Variants in PNLIP observed in about 807,000 individuals in gnomAD.
PNLIP encodes the protein pancreatic lipase.
A neutral mutation model predicts 57.1 loss-of-function variants in PNLIP; 49 were observed. The ratio of observed to expected loss-of-function variants is 0.86; its 90% CI spans 0.68 to 1.09. The LOEUF is 1.09. Ranked by LOEUF, PNLIP falls within the 50% of genes least tolerant of loss-of-function variation. The probability of loss-of-function intolerance (pLI) is 0.00; values close to 1 mark genes in which losing one functional copy is unlikely to be tolerated. For missense variants in PNLIP, 503 were observed against 570.2 expected (o/e 0.88, Z 1.20); for synonymous variants, 209 against 200.4 (o/e 1.04, Z -0.36).
At chr10:116,558,874 C>T (rs932567521) in intron 9 of PNLIP, among the ~76,000 whole-genome samples, 1 of 152,152 alleles carries the variant, frequency 6.6e-6, no homozygotes, top group African/African-American at 2.4e-5. Context: ...ATCCACCTGC[C>T]TCAGCCTCCC....
chr10:116,561,704 A>G (rs1209424356), intron 12 of PNLIP, 68 bp downstream of exon 12: 1 of 1,425,042 alleles, frequency 7.0e-7, no homozygotes, highest in Non-Finnish European at 9.6e-7. Context: ...TCCCACTAAA[A>G]GTCTAATTTA....
At chr10:116,546,425 C>T (rs1847124534) in intron 2 of PNLIP, among the ~76,000 whole-genome samples, 1 of 152,166 alleles carries the variant, frequency 6.6e-6, no homozygotes, top group African/African-American at 2.4e-5. Flanking sequence ...TTCAAATTTA[C>T]TTGTATTTTG....
rs763599930 is a variant in PNLIP, at chr10:116,567,818, C to A, written c.*20C>A. 6.3e-7 allele frequency: 1 copy of A among 1,576,602 alleles called. No individual in the cohort carries two copies. The highest frequency in any genetic ancestry group is 2.2e-5 in the East Asian group (1 of 44,674). Reference sequence around the variant, plus strand: ...TGTTAGGAGACTACTGTTATTTGACCAATGAATTGACTTCTAATAAAATCT... The same window carrying A: ...TGTTAGGAGACTACTGTTATTTGACAAATGAATTGACTTCTAATAAAATCT... On this transcript the variant is annotated 3_prime_UTR_variant, in exon 13 of 13. Transcript: ENST00000369221.
intron 9 of PNLIP, among the ~76,000 whole-genome samples, chr10:116,558,250 T>G (rs1274530431): frequency 6.7e-6 from 1 of 149,550 alleles, no homozygotes; most frequent in Non-Finnish European, 1.5e-5. Context: ...CAGGCTGGAG[T>G]GCAGTGGCGC....
In PNLIP at chr10:116,550,127, T is replaced by C. The variant is rs575550514; in HGVS notation, c.325-971T>C. On this transcript the variant is annotated intron_variant, in intron 4 of 12. Transcript: ENST00000369221. The stretch of plus-strand genomic sequence containing the variant: ...CGGCTAGAGTGCAGTGGCGCGATCT[T>C]GGCTCACTGCAAGCTCCGCCTCCCG... Among the ~76,000 whole-genome samples the C allele has an allele frequency of 3.9e-4, 59 of 149,628 alleles. No individual in the cohort carries two copies. In the South Asian group the frequency reaches 0.012, roughly 30 times the overall value.
chr10:116,549,617 T>G (rs1436273316), intron 4 of PNLIP, among the ~76,000 whole-genome samples: 1 of 152,098 alleles, frequency 6.6e-6, no homozygotes, highest in Non-Finnish European at 1.5e-5. Flanking sequence ...CACTGTAGAA[T>G]CTGTACACTC....
intron 3 of PNLIP, 125 bp from the exon 4 acceptor site, chr10:116,548,235 G>T: frequency 1.2e-6 from 1 of 834,692 alleles, no homozygotes. Context: ...GGTTGCTATG[G>T]AGGAATCATT....
rs1847153747 is a variant in PNLIP at position 116,548,382 on chromosome 10, G to T, written c.224G>T (p.Ser75Ile). Residue 75 changes from serine (S) to isoleucine (I), a missense_variant, in exon 4 of 13, where the codon AGC becomes ATC. By Grantham distance (142) the Ser-to-Ile change is moderately radical. Transcript: ENST00000369221. ...NFQEVAADSS[S>I]ISGSNFKTNR... ...CAGGAAGTTGCCGCAGATTCATCAA[G>T]CATCAGTGGCTCCAATTTCAAAACA... 2 of 1,613,932 alleles carry T rather than the reference G, an allele frequency of 1.2e-6. No homozygotes were observed. Among genetic ancestry groups the T allele is most frequent in the South Asian group, 1.1e-5 (1 of 91,080 alleles).
intron 4 of PNLIP, among the ~76,000 whole-genome samples, chr10:116,548,893 G>A (rs558989216): frequency 2.6e-5 from 4 of 152,000 alleles, no homozygotes; most frequent in Non-Finnish European, 5.9e-5. Context: ...TGCTACTCTC[G>A]GATCTCCTCT....
At chr10:116,562,683 C>A (rs1847326472) in intron 12 of PNLIP, among the ~76,000 whole-genome samples, 1 of 152,192 alleles carries the variant, frequency 6.6e-6, no homozygotes, top group Non-Finnish European at 1.5e-5. Context: ...TGTATGAGAA[C>A]AAACCAGCTG....
chr10:116,563,072 A>T (rs1045472008), intron 12 of PNLIP, among the ~76,000 whole-genome samples: 1 of 152,234 alleles, frequency 6.6e-6, no homozygotes, highest in Non-Finnish European at 1.5e-5. Flanking sequence ...ACACCAAAAC[A>T]AAACTGACAT....
At chr10:116,554,258 C>T (rs1339923087) in intron 6 of PNLIP, among the ~76,000 whole-genome samples, 1 of 152,154 alleles carries the variant, frequency 6.6e-6, no homozygotes, top group African/African-American at 2.4e-5. Context: ...GGACAAGTTT[C>T]ATGAATAGAA....
In PNLIP at chr10:116,546,126, G is replaced by C. The variant is rs1260081870; in HGVS notation, c.34G>C (p.Gly12Arg). 1 of 1,613,380 alleles carries C rather than the reference G, an allele frequency of 6.2e-7. No individual in the cohort carries two copies. The highest frequency in any genetic ancestry group is 8.5e-7 in the Non-Finnish European group (1 of 1,179,342). Residue 12 changes from glycine to arginine, a missense_variant, in exon 2 of 13, where the codon GGA (glycine) becomes CGA (arginine). Physicochemically the swap from Gly to Arg is moderately radical, Grantham distance 125 (BLOSUM62 -2). Coordinates refer to ENST00000369221, the MANE Select transcript of PNLIP (RefSeq NM_000936.4). ...LPLWTLSLLL[G>R]AVAGKEVCYE... ...ACTTTGGACTCTTTCACTGCTGCTG[G>C]GAGCAGTAGCAGGTAAGAAAACAAA...
In PNLIP at chr10:116,567,758, C is replaced by A; in HGVS notation, c.1358C>A (p.Thr453Asn). 4 of 1,613,996 alleles carry A rather than the reference C, an allele frequency of 2.5e-6. No individual in the cohort carries two copies. Among genetic ancestry groups the A allele is most frequent in the Non-Finnish European group, 3.4e-6 (4 of 1,179,842 alleles). ...AGGTTCAACTTCTGTAGTCCAGAAA[C>A]CGTCAGGGAGGAAGTTCTGCTCACC... Reference protein sequence around the residue: ...GKQFNFCSPETVREEVLLTLT... With the variant: ...GKQFNFCSPENVREEVLLTLT... Residue 453 changes from threonine to asparagine, a missense_variant, in exon 13 of 13, where the codon ACC becomes AAC. Transcript: ENST00000369221.
rs1485628232 is a variant in PNLIP at position 116,560,461 on chromosome 10, C to T, written c.1106C>T (p.Thr369Ile). The change falls in exon 11 of 13, where the codon ACA becomes ATA. Residue 369 changes from threonine (T) to isoleucine (I), a missense_variant. Coordinates refer to ENST00000369221, the MANE Select transcript of PNLIP (RefSeq NM_000936.4). ...GTCACACTGTCTGGAAAAAAGGTTACAGGACACATACTAGTTTCTTTGTTC... is the reference window on the plus strand; with the variant it reads ...GTCACACTGTCTGGAAAAAAGGTTATAGGACACATACTAGTTTCTTTGTTC... Reference protein sequence around the residue: ...VSVTLSGKKVTGHILVSLFGN... With the variant: ...VSVTLSGKKVIGHILVSLFGN... 1.9e-6 allele frequency: 3 copies of T among 1,608,256 alleles called. No individual in the cohort carries two copies. The highest frequency in any genetic ancestry group is 1.7e-4 in the Middle Eastern group (1 of 6,034).
chr10:116,556,527 G>A (rs898234653), intron 9 of PNLIP, among the ~76,000 whole-genome samples: 7 of 151,898 alleles, frequency 4.6e-5, no homozygotes, highest in Non-Finnish European at 8.8e-5. Context: ...ATTTCATAAT[G>A]GCCAAAATTT....
chr10:116,559,884 A>G (rs1222285084), intron 10 of PNLIP, among the ~76,000 whole-genome samples: 1 of 152,224 alleles, frequency 6.6e-6, no homozygotes, highest in Admixed American at 6.5e-5. Context: ...ATGGCAAACT[A>G]TTGGCTAGCA....
intron 9 of PNLIP, among the ~76,000 whole-genome samples, chr10:116,557,243 G>T (rs973936172): frequency 6.6e-6 from 1 of 152,246 alleles, no homozygotes; most frequent in East Asian, 1.9e-4. Context: ...AAAAGCCTCA[G>T]GTTTCATTCA....
At chr10:116,554,929 T>C (rs1847236397) in intron 6 of PNLIP, among the ~76,000 whole-genome samples, 1 of 152,186 alleles carries the variant, frequency 6.6e-6, no homozygotes, top group South Asian at 2.1e-4. Context: ...TCCCAGAGTC[T>C]ACCTCTTTTG....
Sources: gnomAD v4.1 joint callset for allele counts (sites outside exome capture counted in the v4.1 genomes callset) on GRCh38, gnomAD v4.1.1 for gene constraint, MANE v1.5 for transcripts, NCBI Gene and HGNC (gene_info 2026-07-23, HGNC 2026-07-21) for gene names.